The following EMG1 variants were observed in gnomAD, a reference collection of about 807,000 sequenced individuals.
EMG1 encodes the protein ribosomal RNA small subunit methyltransferase NEP1.
A neutral mutation model predicts 26.9 loss-of-function variants in EMG1; 24 were observed. That is an observed-to-expected ratio of 0.89 (90% CI 0.65 to 1.26). EMG1 has a LOEUF of 1.26. Ranked by LOEUF, EMG1 falls within the 50% of genes most tolerant of loss-of-function variation. The pLI is 0.00. For missense variants in EMG1, 299 were observed against 307.6 expected (o/e 0.97, Z 0.21); for synonymous variants, 140 against 112.6 (o/e 1.24, Z -1.54).
At chr12:6,991,722 C>T (rs1946591621), downstream of EMG1, among the ~76,000 whole-genome samples, 1 of 152,150 alleles carries the variant, frequency 6.6e-6, no homozygotes, top group Admixed American at 6.5e-5. Flanking sequence ...AAGTCTAAAA[C>T]CATAGTTTGT....
chr12:6,981,535 C>T (rs1565598129), downstream of EMG1: 1 of 1,563,842 alleles, frequency 6.4e-7, no homozygotes, highest in Non-Finnish European at 8.8e-7. Flanking sequence ...CTTTTGTTAA[C>T]AACTTTTTTC....
At chr12:6,980,262 T>C (rs1362331968), downstream of EMG1, among the ~76,000 whole-genome samples, 1 of 151,780 alleles carries the variant, frequency 6.6e-6, no homozygotes, top group Non-Finnish European at 1.5e-5. Flanking sequence ...AGGCTGGTCT[T>C]GAACTCCTGG....
intron 1 of EMG1, among the ~76,000 whole-genome samples, chr12:6,972,190 C>T (rs1946339255): frequency 6.6e-6 from 1 of 151,958 alleles, no homozygotes; most frequent in African/African-American, 2.4e-5. Flanking sequence ...CCTCAGCCTC[C>T]AGAGTAGCTG....
In EMG1 at chr12:6,976,115, C is replaced by T. The variant is rs1946396656; in HGVS notation, c.*306C>T. ...AGGCAGGCTTTAGCTCCCAGATTCC[C>T]ATGTGCTAAAGGAGAGAACCCTGAT... is the stretch of plus-strand genomic sequence containing the variant. On this transcript the variant is annotated 3_prime_UTR_variant, in exon 6 of 6. Coordinates refer to ENST00000599672, the MANE Select transcript of EMG1 (RefSeq NM_006331.8). 1 of 289,008 alleles carries T rather than the reference C, an allele frequency of 3.5e-6. No individual in the cohort carries two copies. Among genetic ancestry groups the T allele is most frequent in the Non-Finnish European group, 6.6e-6 (1 of 152,594 alleles). The allele number at this position is 289,008 out of a possible 1,614,324, so 17.9% of individuals were successfully genotyped here. A position where few individuals can be genotyped will look rare whatever the true frequency, so the allele number is the denominator to read the frequency against.
In EMG1 at chr12:6,976,443, G is replaced by C. The variant is rs1019891591; in HGVS notation, c.*634G>C. 3.3e-5 allele frequency: 5 copies of C among 153,476 alleles called. No individual in the cohort carries two copies. Among genetic ancestry groups the C allele is most frequent in the African/African-American group, 1.2e-4 (5 of 41,452 alleles). The allele number at this position is 153,476 out of a possible 1,614,324, so 9.5% of individuals were successfully genotyped here. A position where few individuals can be genotyped will look rare whatever the true frequency, so the allele number is the denominator to read the frequency against. The stretch of plus-strand genomic sequence containing the variant: ...TCCTCCCACAAGAGTTTCCCCTTTG[G>C]GCCGGGCACGGTGGCTCACGCCTGT... On this transcript the variant is annotated 3_prime_UTR_variant, in exon 6 of 6. Transcript: ENST00000599672.
chr12:6,979,441 C>T lies in EMG1; in HGVS notation c.*3632C>T, dbSNP rs979031469. 6.6e-7 allele frequency: 1 copy of T among 1,504,436 alleles called. No homozygotes were observed. Among genetic ancestry groups the T allele is most frequent in the Non-Finnish European group, 9.3e-7 (1 of 1,080,526 alleles). The allele number at this position is 1,504,436 out of a possible 1,614,324, so 93.2% of individuals were successfully genotyped here. ...GTCCATTTTCTAGCTCTGGTGCAGT[C>T]ATGCTGCTGCTGCTTTAGTAGACAC... On this transcript the variant is annotated 3_prime_UTR_variant, in exon 6 of 6. Transcript: ENST00000599672.
downstream of EMG1, chr12:6,981,452 A>G: frequency 1.2e-6 from 1 of 854,106 alleles, no homozygotes; most frequent in Admixed American, 1.9e-5. Flanking sequence ...ATCCTTGCTC[A>G]GTGCTATCTG....
At chr12:6,983,025 A>G (rs782655100), downstream of EMG1, 14 of 589,072 alleles carry the variant, frequency 2.4e-5, no homozygotes, top group Non-Finnish European at 4.1e-5. Context: ...TCTGTTGTCC[A>G]GACTTGAGTG....
At position 6,975,333 on chromosome 12, in the gene EMG1, C is replaced by T. The variant is rs34784123; in HGVS notation, c.576C>T (p.Ser192=). The T allele has an allele frequency of 4.1e-3, 6,518 of 1,607,664 alleles. 207 individuals carry two copies. The African/African-American group carries it at 0.072, about 18-fold the overall frequency. The part of the protein sequence containing the change: ...VVSDVRELVP[S]SDPIVFVVGA... Reference sequence around the variant, plus strand: ...GTGATGTGCGTGAGCTGGTGCCCAGCAGTGATCCTATTGTTTTTGTGGTAG... The same window carrying T: ...GTGATGTGCGTGAGCTGGTGCCCAGTAGTGATCCTATTGTTTTTGTGGTAG... Residue 192 remains serine, a synonymous_variant, in exon 5 of 6, where the codon AGC becomes AGT. Transcript: ENST00000599672.
At position 6,975,241 on chromosome 12, in the gene EMG1, C is replaced by A. The variant is rs782643000; in HGVS notation, c.484C>A (p.Pro162Thr). Reference protein sequence around the residue: ...PQKLLKVIKNPVSDHFPVGCM... With the variant: ...PQKLLKVIKNTVSDHFPVGCM... The stretch of plus-strand genomic sequence containing the variant: ...TTTTTTACTTTAGGTAATTAAGAAT[C>A]CAGTATCAGATCACTTTCCAGTTGG... Residue 162 changes from proline (P) to threonine (T), a missense_variant, in exon 5 of 6, where the codon CCA (proline) becomes ACA (threonine). Transcript: ENST00000599672. The A allele has an allele frequency of 6.2e-7, 1 of 1,613,742 alleles. No individual in the cohort carries two copies. Among genetic ancestry groups the A allele is most frequent in the South Asian group, 1.1e-5 (1 of 91,068 alleles).
rs1337942980 is a variant in EMG1, at chr12:6,978,152, T to C, written c.*2343T>C. On this transcript the variant is annotated 3_prime_UTR_variant, in exon 6 of 6. Transcript: ENST00000599672. ...AACGCACTTTTATATCTTGCCTTTT[T>C]TTCAAATATGACAGTAATGGTTTTT... 8 of 700,178 alleles carry C rather than the reference T, an allele frequency of 1.1e-5. 1 individual carries two copies. Among genetic ancestry groups the C allele is most frequent in the East Asian group, 1.0e-4 (4 of 38,464 alleles). 43.4% of individuals were successfully genotyped at this position (700,178 alleles called of 1,614,324 possible).
chr12:6,981,913 G>A, downstream of EMG1: 25 of 1,448,970 alleles, frequency 1.7e-5, no homozygotes, highest in Non-Finnish European at 2.4e-5. Flanking sequence ...GCCTAGGAGA[G>A]GCAGAAGTAT....
chr12:6,980,902 G>T (rs1166164310), downstream of EMG1: 1 of 1,212,896 alleles, frequency 8.2e-7, no homozygotes, highest in African/African-American at 1.6e-5. Flanking sequence ...CATGACTCAG[G>T]TCTCTATGCC....
Position 6,976,072 on chromosome 12 carries a change from T to C in EMG1, c.*263T>C, listed in dbSNP as rs1054093787. 8.3e-6 allele frequency: 3 copies of C among 362,230 alleles called. No individual in the cohort carries two copies. Among genetic ancestry groups the C allele is most frequent in the South Asian group, 5.2e-5 (1 of 19,076 alleles). 22.4% of individuals were successfully genotyped at this position (362,230 alleles called of 1,614,324 possible). ...AGATAGGAGGTTACAGAGTTTGCAG[T>C]TTGGTTCCATGCTTTGAAGGCAGGC... On this transcript the variant is annotated 3_prime_UTR_variant, in exon 6 of 6. Coordinates refer to ENST00000599672, the MANE Select transcript of EMG1 (RefSeq NM_006331.8).
downstream of EMG1, chr12:6,988,514 C>T (rs1268419865): frequency 6.6e-6 from 1 of 152,192 alleles, no homozygotes; most frequent in Non-Finnish European, 1.5e-5. Flanking sequence ...GGGTGTGACC[C>T]TACAAGATGT....
intron 7 of EMG1, among the ~76,000 whole-genome samples, chr12:6,996,227 G>C (rs1222503854): frequency 6.6e-6 from 1 of 152,154 alleles, no homozygotes; most frequent in Non-Finnish European, 1.5e-5. Flanking sequence ...GCCTTCACAT[G>C]GTAAGTTCCT....
intron 7 of EMG1, among the ~76,000 whole-genome samples, chr12:6,994,498 G>A (rs1050697504): frequency 7.9e-5 from 12 of 151,348 alleles, no homozygotes; most frequent in African/African-American, 2.7e-4. Flanking sequence ...GTGAGCCACC[G>A]GGCTGTTGCC....
downstream of EMG1, among the ~76,000 whole-genome samples, chr12:6,989,478 T>G (rs1946566980): frequency 6.6e-6 from 1 of 151,930 alleles, no homozygotes; most frequent in African/African-American, 2.4e-5. Context: ...GCCCAGCTAA[T>G]TTTTTGTATT....
At position 6,974,541 on chromosome 12, in the gene EMG1, G is replaced by C; in HGVS notation, c.271-11G>C. 1.9e-6 allele frequency: 3 copies of C among 1,612,818 alleles called. No homozygotes were observed. Among genetic ancestry groups the C allele is most frequent in the Non-Finnish European group, 2.5e-6 (3 of 1,178,882 alleles). ...CAGCCTTAACCATGTCTCGGTTTCTGCTTTGCTCAGAGTTTGCTGATGCTG... is the reference window on the plus strand; with the variant it reads ...CAGCCTTAACCATGTCTCGGTTTCTCCTTTGCTCAGAGTTTGCTGATGCTG... On this transcript the variant is annotated splice_polypyrimidine_tract_variant and intron_variant, in intron 2 of 5. Transcript: ENST00000599672.
Sources: allele counts gnomAD v4.1 joint callset (sites outside exome capture counted in the v4.1 genomes callset), GRCh38; gene constraint gnomAD v4.1.1; transcripts MANE v1.5; gene names NCBI Gene and HGNC (gene_info 2026-07-23, HGNC 2026-07-21).